The following SUPT3H variants were observed in gnomAD, a reference collection of about 807,000 sequenced individuals.
SUPT3H encodes the protein transcription initiation protein SPT3 homolog.
A neutral mutation model predicts 44.3 loss-of-function variants in SUPT3H; 44 were observed. The observed-to-expected ratio is 0.99, with a 90% CI of 0.78 to 1.28. SUPT3H has a LOEUF of 1.28. Ranked by LOEUF, SUPT3H falls within the 50% of genes most tolerant of loss-of-function variation. The probability of loss-of-function intolerance (pLI) is 0.00; values close to 1 mark genes in which losing one functional copy is unlikely to be tolerated. For missense variants in SUPT3H, 380 were observed against 387.1 expected (o/e 0.98, Z 0.15); for synonymous variants, 124 against 125.6 (o/e 0.99, Z 0.09).
chr6:45,083,131 T>A (rs1381097979), intron 3 of SUPT3H, among the ~76,000 whole-genome samples: 1 of 150,912 alleles, frequency 6.6e-6, no homozygotes, highest in Admixed American at 6.6e-5. Context: ...ATGACACAAA[T>A]GGAAAAACAT....
chr6:45,203,594 T>TA (rs1228821814), intron 2 of SUPT3H, among the ~76,000 whole-genome samples: 1 of 152,170 alleles, frequency 6.6e-6, no homozygotes, highest in Non-Finnish European at 1.5e-5. Flanking sequence ...ATGCCCTCAC[T>TA]AAAAAACCTT....
intron 2 of SUPT3H, among the ~76,000 whole-genome samples, chr6:45,178,813 C>T (rs1202735360): frequency 1.3e-5 from 2 of 152,100 alleles, no homozygotes; most frequent in African/African-American, 4.8e-5. Flanking sequence ...TCCTGAATGA[C>T]TACTGGGTAC....
chr6:45,115,580 C>T lies in SUPT3H; in HGVS notation c.102-9574G>A, dbSNP rs149731963. ...ATAGCATTGAAAAAAAATTAGGAAA[C>T]ACTGATTTAAACAAACAAACAAAAC... On this transcript the variant is annotated intron_variant, in intron 2 of 10. Coordinates refer to ENST00000371459, the MANE Select transcript of SUPT3H (RefSeq NM_003599.4). 6.3e-3 allele frequency among the ~76,000 whole-genome samples: 959 copies of T among 152,008 alleles called. 2 individuals are homozygous for T. The highest frequency in any genetic ancestry group is 0.01 in the Non-Finnish European group (683 of 67,972).
chr6:44,960,793 G>A (rs537989709), intron 7 of SUPT3H, among the ~76,000 whole-genome samples: 156 of 151,824 alleles, frequency 1.0e-3, no homozygotes, highest in Non-Finnish European at 1.8e-3. Context: ...AGTCAAATTG[G>A]AAAGTATATT....
chr6:44,990,354 A>G (rs1323474977), intron 6 of SUPT3H, among the ~76,000 whole-genome samples: 2 of 152,030 alleles, frequency 1.3e-5, no homozygotes, highest in Non-Finnish European at 2.9e-5. Flanking sequence ...TTTTATGGCA[A>G]ATCTCATGTT....
At chr6:45,105,791 TA>T in intron 3 of SUPT3H, 130 bp downstream of exon 3, 1 of 629,218 alleles carries the variant, frequency 1.6e-6, no homozygotes, top group Non-Finnish European at 2.6e-6. Context: ...TTGTTATATA[TA>T]AAGTATACTT....
chr6:44,908,307 A>G (rs191045322), intron 10 of SUPT3H, among the ~76,000 whole-genome samples: 1 of 151,812 alleles, frequency 6.6e-6, no homozygotes, highest in African/African-American at 2.4e-5. Context: ...GCCCACCACC[A>G]TGCCCAGCTA....
chr6:45,296,185 T>TACAC (rs201077641), intron 2 of SUPT3H, among the ~76,000 whole-genome samples: 3,739 of 140,522 alleles, frequency 0.027, 74 homozygotes, highest in African/African-American at 0.057. Flanking sequence ...ATACACATAC[T>TACAC]ACACACACAC....
chr6:45,030,975 C>G (rs1213569925), intron 3 of SUPT3H, among the ~76,000 whole-genome samples: 1 of 152,056 alleles, frequency 6.6e-6, no homozygotes, highest in African/African-American at 2.4e-5. Flanking sequence ...AGATTATTAC[C>G]TCCAAGTTAT....
intron 10 of SUPT3H, among the ~76,000 whole-genome samples, chr6:44,930,258 G>A (rs980638895): frequency 6.6e-6 from 1 of 152,094 alleles, no homozygotes; most frequent in African/African-American, 2.4e-5. Flanking sequence ...GCGGGTGCCT[G>A]TAGTCCCAGC....
downstream of SUPT3H, among the ~76,000 whole-genome samples, chr6:44,825,794 T>A (rs1032920671): frequency 1.3e-5 from 2 of 152,206 alleles, no homozygotes; most frequent in Non-Finnish European, 2.9e-5. Flanking sequence ...TCCTTCTTTT[T>A]TTCCTATCTA....
chr6:45,012,428 AAAC>A (rs1386951481), intron 5 of SUPT3H, among the ~76,000 whole-genome samples: 1 of 151,960 alleles, frequency 6.6e-6, no homozygotes, highest in Non-Finnish European at 1.5e-5. Context: ...TGCCAGCTGA[AAAC>A]AACTATTGAG....
intron 2 of SUPT3H, among the ~76,000 whole-genome samples, chr6:45,116,170 G>GC (rs982965365): frequency 2.0e-5 from 3 of 152,020 alleles, no homozygotes; most frequent in African/African-American, 7.2e-5. Flanking sequence ...ATTTTTCACA[G>GC]CATTTAAGGA....
chr6:45,151,970 G>C (rs867568245), intron 2 of SUPT3H, among the ~76,000 whole-genome samples: 37 of 152,074 alleles, frequency 2.4e-4, no homozygotes, highest in Middle Eastern at 3.4e-3. Flanking sequence ...TTGTTCCTGA[G>C]GGCTCAATTC....
chr6:44,845,648 A>G (rs1301149178), intron 10 of SUPT3H, among the ~76,000 whole-genome samples: 3 of 152,170 alleles, frequency 2.0e-5, no homozygotes, highest in Non-Finnish European at 4.4e-5. Flanking sequence ...CCTAGTGGGC[A>G]CACACACAAG....
At chr6:45,180,614 G>A (rs1041961630) in intron 2 of SUPT3H, among the ~76,000 whole-genome samples, 11 of 151,800 alleles carry the variant, frequency 7.2e-5, no homozygotes, top group African/African-American at 2.7e-4. Context: ...ACAAGCAATG[G>A]GGAAAGGATT....
intron 10 of SUPT3H, among the ~76,000 whole-genome samples, chr6:44,846,613 T>C (rs1382163486): frequency 6.6e-6 from 1 of 152,010 alleles, no homozygotes; most frequent in Non-Finnish European, 1.5e-5. Flanking sequence ...CTGAACATTT[T>C]TGTCTTTCCC....
chr6:45,353,315 A>G (rs557159515), intron 2 of SUPT3H, among the ~76,000 whole-genome samples: 1 of 152,222 alleles, frequency 6.6e-6, no homozygotes, highest in South Asian at 2.1e-4. Flanking sequence ...ATCTGGAAAA[A>G]TAAAAATAGG....
At chr6:44,908,159 T>C (rs58741467) in intron 10 of SUPT3H, among the ~76,000 whole-genome samples, 7,458 of 150,536 alleles carry the variant, frequency 0.05, 628 homozygotes, top group African/African-American at 0.17. Context: ...CTTTTCTTTT[T>C]TTTTTTTTTT....
Sources: allele counts gnomAD v4.1 joint callset (sites outside exome capture counted in the v4.1 genomes callset), GRCh38; gene constraint gnomAD v4.1.1; transcripts MANE v1.5; gene names NCBI Gene and HGNC (gene_info 2026-07-23, HGNC 2026-07-21).